The following MAP4K3 variants were observed in gnomAD, a reference collection of about 807,000 sequenced individuals.
MAP4K3 encodes the protein MAPK/ERK kinase kinase kinase 3.
A neutral mutation model predicts 143.5 loss-of-function variants in MAP4K3; 94 were observed. That is an observed-to-expected ratio of 0.65 (90% CI 0.55 to 0.78). The LOEUF is 0.78. MAP4K3 is among the 30% of genes least tolerant of loss of function. The pLI is 0.00. For synonymous variants in MAP4K3, 416 were observed against 347.2 expected (o/e 1.20, Z -2.20); for missense variants, 1,077 against 1,068.1 (o/e 1.01, Z -0.12).
At chr2:39,316,459 C>T (rs1683115545) in intron 12 of MAP4K3, among the ~76,000 whole-genome samples, 1 of 152,116 alleles carries the variant, frequency 6.6e-6, no homozygotes, top group African/African-American at 2.4e-5. Context: ...CAGAGGTGAA[C>T]TGGAGACTTG....
At chr2:39,375,452 G>A (rs1298075943) in intron 2 of MAP4K3, among the ~76,000 whole-genome samples, 1 of 152,052 alleles carries the variant, frequency 6.6e-6, no homozygotes, top group Non-Finnish European at 1.5e-5. Context: ...GAACTTTACA[G>A]GATAAATGAT....
chr2:39,366,242 A>G (rs1261486195), intron 2 of MAP4K3, among the ~76,000 whole-genome samples: 1 of 127,356 alleles, frequency 7.9e-6, no homozygotes, highest in Non-Finnish European at 1.6e-5. Context: ...GGTTTGATCT[A>G]GAAGGGTGGG....
chr2:39,266,085 C>T (rs2148446757), intron 27 of MAP4K3, among the ~76,000 whole-genome samples: 3 of 152,250 alleles, frequency 2.0e-5, no homozygotes, highest in Middle Eastern at 6.8e-3. Flanking sequence ...ATAGGAAATT[C>T]TTTCCTATAA....
At chr2:39,287,428 G>C (rs1006712373) in intron 20 of MAP4K3, among the ~76,000 whole-genome samples, 1 of 142,138 alleles carries the variant, frequency 7.0e-6, no homozygotes, top group Non-Finnish European at 1.6e-5. Context: ...CTCCCAAGTA[G>C]CTGGGATTAC....
chr2:39,295,473 A>G (rs1023218817), intron 16 of MAP4K3, among the ~76,000 whole-genome samples: 2 of 152,150 alleles, frequency 1.3e-5, no homozygotes, highest in African/African-American at 4.8e-5. Context: ...TAAAAAAATC[A>G]TGAGACCAAA....
At chr2:39,347,831 T>G (rs1373437827) in intron 3 of MAP4K3, among the ~76,000 whole-genome samples, 2 of 152,070 alleles carry the variant, frequency 1.3e-5, no homozygotes, top group East Asian at 1.9e-4. Flanking sequence ...TTCTTATAAG[T>G]GGTCATTAAT....
At chr2:39,391,427 CTG>C (rs1249811448) in intron 1 of MAP4K3, among the ~76,000 whole-genome samples, 13 of 145,572 alleles carry the variant, frequency 8.9e-5, no homozygotes, top group Non-Finnish European at 3.0e-5. Flanking sequence ...TAGAGATCAA[CTG>C]TGCACACCAG....
chr2:39,393,267 TAAAC>T (rs1041238972), intron 1 of MAP4K3, among the ~76,000 whole-genome samples: 4 of 152,190 alleles, frequency 2.6e-5, no homozygotes, highest in African/African-American at 9.6e-5. Flanking sequence ...ATGTGTAAAA[TAAAC>T]AGAATGTTTA....
chr2:39,331,804 G>T, intron 8 of MAP4K3, 113 bp downstream of exon 8: 1 of 571,526 alleles, frequency 1.7e-6, no homozygotes, highest in Non-Finnish European at 3.0e-6. Flanking sequence ...TTTGCCTGTT[G>T]ATGACTTTTT....
intron 14 of MAP4K3, among the ~76,000 whole-genome samples, chr2:39,308,730 T>C (rs1208164677): frequency 6.6e-6 from 1 of 152,134 alleles, no homozygotes; most frequent in African/African-American, 2.4e-5. Context: ...TATATTATCA[T>C]TTATCTGGAA....
intron 26 of MAP4K3, among the ~76,000 whole-genome samples, chr2:39,267,674 G>T (rs927194667): frequency 2.0e-4 from 10 of 49,070 alleles, no homozygotes. Context: ...GCAAAACTCG[G>T]TCTCCAAAAA....
intron 1 of MAP4K3, among the ~76,000 whole-genome samples, chr2:39,415,132 A>G (rs768958342): frequency 6.6e-6 from 1 of 152,216 alleles, no homozygotes; most frequent in Non-Finnish European, 1.5e-5. Context: ...CTACACTTGT[A>G]AAAGTCCAAA....
intron 26 of MAP4K3, 78 bp from the exon 27 acceptor site, chr2:39,267,325 G>A: frequency 8.9e-7 from 1 of 1,126,762 alleles, no homozygotes; most frequent in South Asian, 1.2e-5. Context: ...ATAGATCAGT[G>A]CACAAAGGAT....
chr2:39,306,133 T>C (rs919375607), intron 15 of MAP4K3, among the ~76,000 whole-genome samples: 5 of 152,168 alleles, frequency 3.3e-5, no homozygotes, highest in Non-Finnish European at 5.9e-5. Flanking sequence ...CGGCTGAGTA[T>C]TTGTAATTTT....
intron 1 of MAP4K3, among the ~76,000 whole-genome samples, chr2:39,426,697 GAATTGA>G (rs974710946): frequency 4.6e-5 from 7 of 151,966 alleles, no homozygotes; most frequent in African/African-American, 1.7e-4. Context: ...ATTATCCTGT[GAATTGA>G]AATTATTTTT....
At chr2:39,404,461 T>C (rs1335649264) in intron 1 of MAP4K3, among the ~76,000 whole-genome samples, 2 of 151,742 alleles carry the variant, frequency 1.3e-5, no homozygotes, top group African/African-American at 2.4e-5. Context: ...CATGGGCCTG[T>C]AGTGGTGGTG....
intron 1 of MAP4K3, among the ~76,000 whole-genome samples, chr2:39,432,877 C>G (rs1008925893): frequency 6.6e-6 from 1 of 152,098 alleles, no homozygotes; most frequent in African/African-American, 2.4e-5. Context: ...CACGGCAGCC[C>G]GTGCTTCAGA....
At chr2:39,282,644 T>C in intron 21 of MAP4K3, 90 bp from the exon 22 acceptor site, 1 of 830,038 alleles carries the variant, frequency 1.2e-6, no homozygotes, top group African/African-American at 1.7e-5. Context: ...TCAAATAAAA[T>C]ACATGAATAC....
At position 39,287,622 on chromosome 2, in the gene MAP4K3, T is replaced by C. The variant is rs192103522; in HGVS notation, c.1474+499A>G. ...CCAGCCTAGTTGCTCTTTTTTAAAA[T>C]TGCTTCTTCTGGATAAACACAGAGG... On this transcript the variant is annotated intron_variant, in intron 20 of 33. Coordinates refer to ENST00000263881, the MANE Select transcript of MAP4K3 (RefSeq NM_003618.4). 1.4e-3 allele frequency among the ~76,000 whole-genome samples: 217 copies of C among 152,204 alleles called. 1 individual carries two copies. Among genetic ancestry groups the C allele is most frequent in the African/African-American group, 4.6e-3 (190 of 41,542 alleles).
Sources: gnomAD v4.1 joint callset for allele counts (sites outside exome capture counted in the v4.1 genomes callset) on GRCh38, gnomAD v4.1.1 for gene constraint, MANE v1.5 for transcripts, NCBI Gene and HGNC (gene_info 2026-07-23, HGNC 2026-07-21) for gene names.